The following SHOC1 variants were observed in gnomAD, a reference collection of about 807,000 sequenced individuals.
SHOC1 encodes the protein protein shortage in chiasmata 1 ortholog.
In SHOC1, 136 loss-of-function variants were observed where a neutral mutation model predicts 179.2. The ratio of observed to expected loss-of-function variants is 0.76; its 90% CI spans 0.66 to 0.87. The LOEUF (loss-of-function observed/expected upper bound fraction) is 0.87, where lower values mean the gene tolerates loss of function less well. SHOC1 is among the 40% of genes least tolerant of loss of function. The pLI is 0.00. For synonymous variants in SHOC1, 489 were observed against 586.6 expected, an observed-to-expected ratio of 0.83 and a Z score of 2.41; for missense variants, 1,538 against 1,700.8, an observed-to-expected ratio of 0.90 and a Z score of 1.68.
chr9:111,785,785 G>T, intron 3 of SHOC1, 127 bp downstream of exon 3: 2 of 703,646 alleles, frequency 2.8e-6, no homozygotes, highest in Non-Finnish European at 4.1e-6. Flanking sequence ...TAACTTCTTG[G>T]AATTCTGACA....
At chr9:111,731,711 A>G (rs1009060968) in intron 12 of SHOC1, among the ~76,000 whole-genome samples, 2 of 152,212 alleles carry the variant, frequency 1.3e-5, no homozygotes, top group Non-Finnish European at 2.9e-5. Context: ...ACACAAAGTG[A>G]GCACATGTTC....
rs1831566322 is a variant in SHOC1 at position 111,693,934 on chromosome 9, T to G, written c.3330A>C (p.Leu1110Phe). ...KVSPSEEEMYLLDFPCINPLV... is the reference protein window; with the variant it reads ...KVSPSEEEMYFLDFPCINPLV... ...ATGGGTTAATACATGGAAAATCAAG[T>G]AAGTACATTTCTTCCTAGAAAAGAG... Residue 1110 changes from leucine (L) to phenylalanine (F), a missense_variant, in exon 26 of 28, where the codon TTA (leucine) becomes TTC (phenylalanine). Transcript: ENST00000682961. The G allele has an allele frequency of 1.9e-6, 3 of 1,608,908 alleles. No homozygotes were observed. The highest frequency in any genetic ancestry group is 2.5e-6 in the Non-Finnish European group (3 of 1,177,070).
intron 8 of SHOC1, among the ~76,000 whole-genome samples, chr9:111,754,909 T>G (rs1469310522): frequency 6.6e-6 from 1 of 152,208 alleles, no homozygotes; most frequent in Non-Finnish European, 1.5e-5. Context: ...CTATATAGTT[T>G]TACTTACACT....
intron 4 of SHOC1, 147 bp downstream of exon 4, chr9:111,780,783 G>A: frequency 1.9e-6 from 1 of 517,746 alleles, no homozygotes; most frequent in Non-Finnish European, 3.4e-6. Flanking sequence ...ACTCCTTTGT[G>A]GTTCAAATTA....
At chr9:111,713,612 TAAG>T (rs1158785869) in intron 17 of SHOC1, among the ~76,000 whole-genome samples, 1 of 152,128 alleles carries the variant, frequency 6.6e-6, no homozygotes, top group African/African-American at 2.4e-5. Flanking sequence ...TTTAATGACT[TAAG>T]AAAGTTATTA....
In SHOC1 at chr9:111,714,531, T is replaced by A; in HGVS notation, c.2329A>T (p.Arg777Trp). ...WRQLEIVQFIRGKKPETNYKI... is the reference protein window; with the variant it reads ...WRQLEIVQFIWGKKPETNYKI... ...TAGTTGGTTTCAGGCTTTTTCCCCC[T>A]AATAAACTGTACAATCTCCAGCTGT... is the stretch of plus-strand genomic sequence containing the variant. Residue 777 changes from arginine (R) to tryptophan (W), a missense_variant, in exon 17 of 28, where the codon AGG becomes TGG. Arg to Trp is a moderately radical substitution (Grantham distance 101). Transcript: ENST00000682961. The A allele has an allele frequency of 6.2e-7, 1 of 1,613,984 alleles. No homozygotes were observed. The highest frequency in any genetic ancestry group is 8.5e-7 in the Non-Finnish European group (1 of 1,179,928).
chr9:111,760,072 A>G (rs528569071), intron 5 of SHOC1, among the ~76,000 whole-genome samples: 1 of 152,350 alleles, frequency 6.6e-6, no homozygotes, highest in East Asian at 1.9e-4. Flanking sequence ...CATTAATAGT[A>G]AAAACCCAAA....
rs535576748 is a variant in SHOC1 at position 111,718,303 on chromosome 9, A to G, written c.2132-15T>C. 53 of 1,526,000 alleles carry G rather than the reference A, an allele frequency of 3.5e-5. No homozygotes were observed. The highest frequency in any genetic ancestry group is 3.4e-4 in the Middle Eastern group (2 of 5,856). The allele number at this position is 1,526,000 out of a possible 1,614,324, so 94.5% of individuals were successfully genotyped here. A position where few individuals can be genotyped will look rare whatever the true frequency, so the allele number is the denominator to read the frequency against. ...ATCAATTGTACCTAAGTAAGCAAAA[A>G]TGTATTTTAAAACATAGACTATACA... is the stretch of plus-strand genomic sequence containing the variant. On this transcript the variant is annotated splice_polypyrimidine_tract_variant and intron_variant, in intron 15 of 27. Transcript: ENST00000682961.
At chr9:111,744,105 A>G (rs1489089665) in intron 10 of SHOC1, among the ~76,000 whole-genome samples, 3 of 152,220 alleles carry the variant, frequency 2.0e-5, no homozygotes, top group African/African-American at 7.2e-5. Flanking sequence ...ATTATGGTTT[A>G]AATACTTCTA....
intron 11 of SHOC1, among the ~76,000 whole-genome samples, chr9:111,739,565 A>T (rs549870584): frequency 6.6e-6 from 1 of 152,002 alleles, no homozygotes; most frequent in South Asian, 2.1e-4. Flanking sequence ...TACCATATGA[A>T]TTTTTTGTGG....
intron 20 of SHOC1, 59 bp from the exon 21 acceptor site, chr9:111,705,423 C>CTCT: frequency 3.8e-6 from 2 of 533,172 alleles, no homozygotes; most frequent in Admixed American, 7.3e-5. Context: ...AGCTCTTTCT[C>CTCT]TTTTTTTTTT....
intron 5 of SHOC1, among the ~76,000 whole-genome samples, chr9:111,770,857 T>C (rs1445428604): frequency 6.6e-6 from 1 of 152,158 alleles, no homozygotes; most frequent in Non-Finnish European, 1.5e-5. Context: ...TGGTTTCCAG[T>C]TGCATGGAAT....
At chr9:111,781,487 C>T (rs942315503) in intron 3 of SHOC1, among the ~76,000 whole-genome samples, 4 of 152,150 alleles carry the variant, frequency 2.6e-5, no homozygotes, top group Admixed American at 2.6e-4. Context: ...CTTTGAAAGG[C>T]TGAGGTAGGC....
At chr9:111,696,188 AACACTTAGCATAAC>A (rs1374017117) in intron 24 of SHOC1, among the ~76,000 whole-genome samples, 2 of 152,216 alleles carry the variant, frequency 1.3e-5, no homozygotes, top group Non-Finnish European at 2.9e-5. Flanking sequence ...AAATTGGAAT[AACACTTAGCATAAC>A]ACTAGTAGCA....
Position 111,691,673 on chromosome 9 carries a change from T to C in SHOC1, c.4304A>G (p.Asp1435Gly). 6.2e-7 allele frequency: 1 copy of C among 1,613,990 alleles called. No homozygotes were observed. The change falls in exon 27 of 28, where the codon GAT becomes GGT. Residue 1435 changes from aspartate (D) to glycine (G), a missense_variant. Coordinates refer to ENST00000682961, the MANE Select transcript of SHOC1 (RefSeq NM_001378211.1). ...GAATTCTTTTTGATTTGCATTAGAA[T>C]CAGAAGCACGAAATAAATCCAAACT... ...VPSLDLFRAS[D>G]SNANQKEFNS... is the part of the protein sequence containing the mutation.
intron 4 of SHOC1, among the ~76,000 whole-genome samples, chr9:111,780,111 T>A (rs993861208): frequency 5.3e-5 from 8 of 152,244 alleles, no homozygotes; most frequent in Non-Finnish European, 4.4e-5. Context: ...TCTATGTTTA[T>A]CTATTATTTT....
intron 23 of SHOC1, among the ~76,000 whole-genome samples, chr9:111,701,144 A>G (rs1458419171): frequency 1.3e-5 from 2 of 152,212 alleles, no homozygotes; most frequent in African/African-American, 4.8e-5. Flanking sequence ...CAAACCTAGT[A>G]TGGTCTCAGG....
At chr9:111,737,066 G>A (rs1209187797) in intron 12 of SHOC1, among the ~76,000 whole-genome samples, 1 of 152,144 alleles carries the variant, frequency 6.6e-6, no homozygotes, top group Non-Finnish European at 1.5e-5. Context: ...AACAATAGAG[G>A]CTGGTAAGGC....
intron 2 of SHOC1, among the ~76,000 whole-genome samples, chr9:111,786,384 G>A (rs866039322): frequency 1.4e-4 from 22 of 151,936 alleles, no homozygotes; most frequent in Middle Eastern, 3.2e-3. Flanking sequence ...GCAGTGAGCC[G>A]AGATCGCGCC....
Sources: allele counts gnomAD v4.1 joint callset (sites outside exome capture counted in the v4.1 genomes callset), GRCh38; gene constraint gnomAD v4.1.1; transcripts MANE v1.5; gene names NCBI Gene and HGNC (gene_info 2026-07-23, HGNC 2026-07-21).